Variants in DPH6 observed in about 807,000 individuals in gnomAD.
DPH6 encodes the protein diphthamine biosynthesis 6.
In DPH6, 33 loss-of-function variants were observed where a neutral mutation model predicts 38.2. The ratio of observed to expected loss-of-function variants is 0.86; its 90% CI spans 0.65 to 1.15. DPH6 has a LOEUF of 1.15. Among genes scored for constraint, DPH6 ranks in the 50% most tolerant of loss-of-function variants. The pLI, the probability that DPH6 is intolerant of heterozygous loss-of-function variation, is 0.00. For synonymous variants in DPH6, 108 were observed against 103.0 expected, an observed-to-expected ratio of 1.05 and a Z score of -0.30; for missense variants, 325 against 320.0, an observed-to-expected ratio of 1.02 and a Z score of -0.12.
intron 6 of DPH6, among the ~76,000 whole-genome samples, chr15:35,390,897 C>T (rs1330286595): frequency 1.3e-5 from 2 of 152,284 alleles, no homozygotes; most frequent in Admixed American, 6.5e-5. Flanking sequence ...AGCTGCATTC[C>T]TTTGGAGGAG....
At chr15:35,311,093 C>A (rs1027370021) in intron 3 of DPH6, among the ~76,000 whole-genome samples, 1 of 149,782 alleles carries the variant, frequency 6.7e-6, no homozygotes, top group Non-Finnish European at 1.5e-5. Context: ...AAAAAAAAAC[C>A]CAAAAAAACC....
intron 3 of DPH6, among the ~76,000 whole-genome samples, chr15:35,463,382 T>TGTAA (rs3028966): frequency 1 from 152,136 of 152,270 alleles, 76,001 homozygotes; most frequent in Middle Eastern, 1. Flanking sequence ...ACAAGTTATA[T>TGTAA]AAATATTTAT....
chr15:35,219,786 G>GCA (rs1420438636), exon 4 of DPH6: 1 of 152,160 alleles, frequency 6.6e-6, no homozygotes, highest in Non-Finnish European at 1.5e-5. Context: ...AAACTACAAT[G>GCA]CACTGCTCAG....
chr15:35,249,678 T>C (rs2051658348), intron 3 of DPH6, among the ~76,000 whole-genome samples: 1 of 152,044 alleles, frequency 6.6e-6, no homozygotes, highest in Non-Finnish European at 1.5e-5. Flanking sequence ...CCACTCCAAT[T>C]TTGGAGTCGA....
rs1165253342 is a variant in DPH6 at position 35,233,452 on chromosome 15, GCTTGTACAGGT to G, written n.201-12881_201-12871del. On this transcript the variant is annotated intron_variant and non_coding_transcript_variant, in intron 3 of 3. Transcript: ENST00000560386. ...AAATTAAAAATCTTGGATTTTATAA[GCTTGTACAGGT>G]TCTAGAATAAGAAAAAATTAAGGTA... Among the ~76,000 whole-genome samples the G allele has an allele frequency of 5.9e-5, 9 of 152,258 alleles. No homozygotes were observed. The South Asian group carries it at 1.9e-3, about 32-fold the overall frequency.
intron 3 of DPH6, among the ~76,000 whole-genome samples, chr15:35,461,303 G>A (rs957150979): frequency 6.6e-6 from 1 of 152,160 alleles, no homozygotes; most frequent in Non-Finnish European, 1.5e-5. Flanking sequence ...TCAAACTCCA[G>A]ACCTTGTGAT....
intron 3 of DPH6, among the ~76,000 whole-genome samples, chr15:35,360,673 G>A (rs2052606702): frequency 6.6e-6 from 1 of 152,220 alleles, no homozygotes; most frequent in Admixed American, 6.5e-5. Context: ...CCTTAATGGT[G>A]TGCCTGCTAT....
intron 3 of DPH6, among the ~76,000 whole-genome samples, chr15:35,263,527 C>T (rs1043075429): frequency 5.3e-5 from 8 of 150,378 alleles, no homozygotes; most frequent in Non-Finnish European, 7.4e-5. Context: ...CTCAGCCTCC[C>T]AAGCAGCTGG....
the DPH6 span, among the ~76,000 whole-genome samples, chr15:35,149,521 G>A: frequency 1.3e-5 from 2 of 152,172 alleles, no homozygotes; most frequent in Middle Eastern, 3.2e-3. Context: ...ACAGGCGTGA[G>A]CCACTGTGCC....
intron 3 of DPH6, among the ~76,000 whole-genome samples, chr15:35,476,569 T>G (rs1292698715): frequency 6.6e-6 from 1 of 151,870 alleles, no homozygotes; most frequent in Non-Finnish European, 1.5e-5. Context: ...GATTCTATTT[T>G]TTTCTTCTTG....
intron 5 of DPH6, among the ~76,000 whole-genome samples, chr15:35,420,661 A>G (rs988457571): frequency 1.3e-5 from 2 of 152,094 alleles, no homozygotes; most frequent in Non-Finnish European, 2.9e-5. Flanking sequence ...GACTACAGGC[A>G]TGTGTCACCA....
intron 3 of DPH6, among the ~76,000 whole-genome samples, chr15:35,221,729 T>C (rs1256102406): frequency 1.3e-5 from 2 of 152,206 alleles, no homozygotes; most frequent in African/African-American, 4.8e-5. Context: ...GGCTACCCCG[T>C]TGGTATTCTC....
Position 35,453,023 on chromosome 15 carries a change from G to A in DPH6, c.386+1724C>T, listed in dbSNP as rs60147233. 8.0e-3 allele frequency among the ~76,000 whole-genome samples: 1,222 copies of A among 152,228 alleles called. 10 individuals carry two copies. Among genetic ancestry groups the A allele is most frequent in the African/African-American group, 0.028 (1,172 of 41,552 alleles). Reference sequence around the variant, plus strand: ...GTAGAGAGGCTGTTTTGATTAGTAGGCATTAAACACTGGGTGAGAGGACAG... The same window carrying A: ...GTAGAGAGGCTGTTTTGATTAGTAGACATTAAACACTGGGTGAGAGGACAG... On this transcript the variant is annotated intron_variant, in intron 4 of 8. Coordinates refer to ENST00000256538, the MANE Select transcript of DPH6 (RefSeq NM_080650.4).
At chr15:35,264,159 G>GT (rs1004095845) in intron 3 of DPH6, among the ~76,000 whole-genome samples, 3 of 150,368 alleles carry the variant, frequency 2.0e-5, no homozygotes, top group African/African-American at 7.3e-5. Flanking sequence ...GTACTTCTTA[G>GT]TTGCCTCCAC....
intron 3 of DPH6, among the ~76,000 whole-genome samples, chr15:35,353,869 G>A (rs2052536854): frequency 6.6e-6 from 1 of 152,238 alleles, no homozygotes; most frequent in Admixed American, 6.5e-5. Context: ...ATTACCTTGG[G>A]CAGTATAGCC....
intron 5 of DPH6, among the ~76,000 whole-genome samples, chr15:35,441,555 C>T (rs1326221590): frequency 6.6e-6 from 1 of 152,162 alleles, no homozygotes; most frequent in African/African-American, 2.4e-5. Context: ...CAAACTAACA[C>T]AGCAACAGAA....
chr15:35,346,262 T>G (rs1256257637), intron 3 of DPH6, among the ~76,000 whole-genome samples: 1 of 152,056 alleles, frequency 6.6e-6, no homozygotes, highest in African/African-American at 2.4e-5. Flanking sequence ...CCTAAAATGC[T>G]TGGTAAAATG....
chr15:35,368,396 C>T (rs1265674998), downstream of DPH6, among the ~76,000 whole-genome samples: 1 of 151,818 alleles, frequency 6.6e-6, no homozygotes, highest in Non-Finnish European at 1.5e-5. Flanking sequence ...TGTCAGATAG[C>T]CTTCCATTCA....
At chr15:35,197,758 A>C in the DPH6 span, among the ~76,000 whole-genome samples, 2 of 152,248 alleles carry the variant, frequency 1.3e-5, no homozygotes, top group African/African-American at 4.8e-5. Context: ...AGAAATAGCC[A>C]CATAATGCTC....
Sources: gnomAD v4.1 joint callset for allele counts (sites outside exome capture counted in the v4.1 genomes callset) on GRCh38, gnomAD v4.1.1 for gene constraint, MANE v1.5 for transcripts, NCBI Gene and HGNC (gene_info 2026-07-23, HGNC 2026-07-21) for gene names.